The following EPHA6 variants were observed in gnomAD, a reference collection of about 807,000 sequenced individuals.
EPHA6 encodes EPH receptor A6.
In EPHA6, 50 loss-of-function variants were observed where a neutral mutation model predicts 112.0. That is an observed-to-expected ratio of 0.45 (90% CI 0.36 to 0.56). EPHA6 has a LOEUF of 0.56. EPHA6 is among the 20% of genes least tolerant of loss of function. EPHA6 has a pLI of 0.00. For missense variants in EPHA6, 1,280 were observed against 1,417.4 expected, an observed-to-expected ratio of 0.90 and a Z score of 1.56; for synonymous variants, 529 against 490.7, an observed-to-expected ratio of 1.08 and a Z score of -1.03.
intron 5 of EPHA6, among the ~76,000 whole-genome samples, chr3:97,272,403 G>T (rs926498840): frequency 6.6e-6 from 1 of 152,002 alleles, no homozygotes; most frequent in Non-Finnish European, 1.5e-5. Context: ...AACATAAGGC[G>T]ATCTCATCAT....
At chr3:97,623,894 T>G (rs2093833629) in intron 13 of EPHA6, among the ~76,000 whole-genome samples, 1 of 151,726 alleles carries the variant, frequency 6.6e-6, no homozygotes, top group Non-Finnish European at 1.5e-5. Context: ...ACCACAATAT[T>G]TTGATTATTG....
chr3:97,059,717 A>C (rs1483363362), intron 3 of EPHA6, among the ~76,000 whole-genome samples: 3 of 150,156 alleles, frequency 2.0e-5, no homozygotes, highest in African/African-American at 7.4e-5. Flanking sequence ...TAATATAATA[A>C]ATATAATGAT....
At chr3:97,233,837 A>G (rs2078604214) in intron 4 of EPHA6, among the ~76,000 whole-genome samples, 1 of 152,186 alleles carries the variant, frequency 6.6e-6, no homozygotes, top group Admixed American at 6.5e-5. Context: ...ATGAAGAACT[A>G]AAATTGTGGA....
chr3:97,615,863 A>C (rs544973094), intron 13 of EPHA6, among the ~76,000 whole-genome samples: 128 of 152,196 alleles, frequency 8.4e-4, no homozygotes, highest in African/African-American at 2.8e-3. Flanking sequence ...GTGGGCTGCC[A>C]TCTTTGCTGT....
chr3:97,510,387 T>C (rs952630541), intron 10 of EPHA6, among the ~76,000 whole-genome samples: 1 of 152,180 alleles, frequency 6.6e-6, no homozygotes, highest in African/African-American at 2.4e-5. Flanking sequence ...ACATCCTTTT[T>C]GTTGGTGTTG....
chr3:96,982,341 G>C lies in EPHA6; in HGVS notation c.451-4989G>C, dbSNP rs537374406. 5.6e-3 allele frequency among the ~76,000 whole-genome samples: 850 copies of C among 152,148 alleles called. 7 individuals carry two copies. The highest frequency in any genetic ancestry group is 0.02 in the African/African-American group (826 of 41,486). Reference sequence around the variant, plus strand: ...AGTAGTCATTCAGGAGCAGGTTGTTGAGTTTCCATGTAGTTGAGTGGTTTT... The same window carrying C: ...AGTAGTCATTCAGGAGCAGGTTGTTCAGTTTCCATGTAGTTGAGTGGTTTT... On this transcript the variant is annotated intron_variant, in intron 2 of 17. Coordinates refer to ENST00000389672, the MANE Select transcript of EPHA6 (RefSeq NM_001080448.3).
chr3:97,421,597 C>T (rs1298816072), intron 6 of EPHA6, among the ~76,000 whole-genome samples: 1 of 152,070 alleles, frequency 6.6e-6, no homozygotes, highest in Non-Finnish European at 1.5e-5. Flanking sequence ...AAAATTCTAG[C>T]AGATCTCTTT....
At chr3:96,997,600 G>A (rs554508140) in intron 3 of EPHA6, among the ~76,000 whole-genome samples, 1 of 151,964 alleles carries the variant, frequency 6.6e-6, no homozygotes, top group Non-Finnish European at 1.5e-5. Flanking sequence ...TAAGTTTTCT[G>A]GCTTATGTGA....
intron 14 of EPHA6, among the ~76,000 whole-genome samples, chr3:97,699,168 T>C (rs1300890000): frequency 1.3e-5 from 2 of 152,162 alleles, no homozygotes; most frequent in African/African-American, 4.8e-5. Context: ...GATAACTAGT[T>C]TGCTCCTCTT....
chr3:97,460,970 A>G (rs557999462), intron 7 of EPHA6, among the ~76,000 whole-genome samples: 12 of 152,298 alleles, frequency 7.9e-5, no homozygotes, highest in South Asian at 6.2e-4. Context: ...TCTGGTGCAG[A>G]GTAAAGCTGA....
chr3:97,033,397 G>T (rs142129610), intron 3 of EPHA6, among the ~76,000 whole-genome samples: 1 of 151,950 alleles, frequency 6.6e-6, no homozygotes, highest in Non-Finnish European at 1.5e-5. Flanking sequence ...AAGCTGGTCA[G>T]TCGGTCAGCA....
At chr3:97,123,091 C>T (rs1295987731) in intron 3 of EPHA6, among the ~76,000 whole-genome samples, 1 of 151,988 alleles carries the variant, frequency 6.6e-6, no homozygotes, top group Non-Finnish European at 1.5e-5. Context: ...ATGTGATTTT[C>T]ATTTCATCAC....
intron 10 of EPHA6, among the ~76,000 whole-genome samples, chr3:97,515,070 G>A (rs1196343881): frequency 2.0e-5 from 3 of 152,212 alleles, no homozygotes; most frequent in Admixed American, 6.5e-5. Context: ...GGATATCACA[G>A]CCTAAAGACG....
intron 5 of EPHA6, among the ~76,000 whole-genome samples, chr3:97,359,943 C>A (rs571823462): frequency 1.1e-4 from 17 of 152,174 alleles, no homozygotes; most frequent in African/African-American, 3.9e-4. Context: ...GCTTGCCTTT[C>A]ATGTACGGCT....
chr3:97,135,493 C>T (rs2075744021), intron 3 of EPHA6, among the ~76,000 whole-genome samples: 1 of 152,080 alleles, frequency 6.6e-6, no homozygotes, highest in Non-Finnish European at 1.5e-5. Context: ...GAATATGTTG[C>T]AAGAAGTCTA....
At chr3:97,180,071 C>T (rs1279164626) in intron 3 of EPHA6, among the ~76,000 whole-genome samples, 1 of 152,118 alleles carries the variant, frequency 6.6e-6, no homozygotes, top group African/African-American at 2.4e-5. Context: ...ACTTGGTGTT[C>T]TATAAGTGCA....
At chr3:96,904,322 C>G (rs1316612865) in intron 2 of EPHA6, among the ~76,000 whole-genome samples, 1 of 151,560 alleles carries the variant, frequency 6.6e-6, no homozygotes, top group Admixed American at 6.6e-5. Flanking sequence ...ATGGATGAAG[C>G]TGGAAACCAT....
intron 3 of EPHA6, among the ~76,000 whole-genome samples, chr3:97,144,457 C>CT (rs59921776): frequency 4.1e-4 from 60 of 145,096 alleles, no homozygotes; most frequent in East Asian, 6.0e-4. Flanking sequence ...TCTTTTTTAG[C>CT]TTTTTTTTTT....
At chr3:97,424,733 G>A (rs996840863) in intron 6 of EPHA6, among the ~76,000 whole-genome samples, 2 of 150,608 alleles carry the variant, frequency 1.3e-5, no homozygotes, top group African/African-American at 4.9e-5. Flanking sequence ...TTGAACCCAG[G>A]AGGCAGAGGT....
Sources: allele counts gnomAD v4.1 joint callset (sites outside exome capture counted in the v4.1 genomes callset), GRCh38; gene constraint gnomAD v4.1.1; transcripts MANE v1.5; gene names NCBI Gene and HGNC (gene_info 2026-07-23, HGNC 2026-07-21).